TET3: variants seen among roughly 807,000 people sequenced by gnomAD.
The protein encoded by TET3 is methylcytosine dioxygenase TET3.
In TET3, 19 loss-of-function variants were observed where a neutral mutation model predicts 141.4. The ratio of observed to expected loss-of-function variants is 0.13; its 90% confidence interval spans 0.09 to 0.20. TET3 has a LOEUF of 0.20. Ranked by LOEUF, TET3 falls within the 10% of genes least tolerant of loss-of-function variation. TET3 has a pLI of 1.00. For synonymous variants in TET3, 1,043 were observed against 980.9 expected (o/e 1.06, Z -1.18); for missense variants, 1,874 against 2,356.9 (o/e 0.80, Z 4.24).
intron 2 of TET3, among the ~76,000 whole-genome samples, chr2:73,996,769 A>G (rs561665993): frequency 1.3e-5 from 2 of 152,176 alleles, no homozygotes; most frequent in Non-Finnish European, 2.9e-5. Flanking sequence ...TCGGCCTCCC[A>G]AAGTGCTGGG....
rs1691037101 is a variant in TET3, at chr2:74,099,462, C to T, written c.3454C>T (p.Leu1152=). 1 of 1,613,570 alleles carries T rather than the reference C, an allele frequency of 6.2e-7. No homozygotes were observed. Among genetic ancestry groups the T allele is most frequent in the Admixed American group, 1.7e-5 (1 of 59,968 alleles). Residue 1152 remains leucine, a synonymous_variant, in exon 11 of 12, where the codon CTG becomes TTG. Coordinates refer to ENST00000409262, the MANE Select transcript of TET3 (RefSeq NM_001287491.2). ...LTAFPREVRR[L]PEPAKSCRQR... is the part of the protein sequence containing the mutation. ...CGCCTTCCCCCGCGAGGTCCGACGC[C>T]TGCCCGAGCCTGCCAAGTCCTGCCG...
intron 3 of TET3, among the ~76,000 whole-genome samples, chr2:74,037,539 G>A (rs993323064): frequency 6.6e-6 from 1 of 152,220 alleles, no homozygotes; most frequent in African/African-American, 2.4e-5. Flanking sequence ...GCTTAGCAGG[G>A]TGGGGTGTTG....
intron 11 of TET3, 23 bp downstream of exon 11, chr2:74,099,635 C>T: frequency 6.6e-7 from 1 of 1,524,520 alleles, no homozygotes; most frequent in Non-Finnish European, 8.8e-7. Context: ...AGGGTGCCCG[C>T]TTGGAGTCAC....
chr2:74,087,107 A>G lies in TET3; in HGVS notation c.2680-723A>G, dbSNP rs989845953. Among the ~76,000 whole-genome samples the G allele has an allele frequency of 1.3e-5, 2 of 152,064 alleles. No individual in the cohort carries two copies. The highest frequency in any genetic ancestry group is 2.4e-5 in the African/African-American group (1 of 41,402). ...TTGTGTCTGGCTTATTTCACATAGC[A>G]TGTTTTTGGGGTTCATCCATGTTGT... On this transcript the variant is annotated intron_variant, in intron 6 of 11. Coordinates refer to ENST00000409262, the MANE Select transcript of TET3 (RefSeq NM_001287491.2). The surrounding 1 kb of genome is among the most constrained non-coding windows in gnomAD (Gnocchi z 4.3).
chr2:74,079,610 T>C (rs1041828062), intron 5 of TET3, among the ~76,000 whole-genome samples: 6 of 152,218 alleles, frequency 3.9e-5, no homozygotes, highest in Non-Finnish European at 7.3e-5. Flanking sequence ...CTGTGGACTA[T>C]TGTTTGATCT....
rs1029430759 is a variant in TET3 at position 74,102,375 on chromosome 2, C to G, written c.*199C>G. The G allele has an allele frequency of 1.3e-6, 1 of 770,492 alleles. No homozygotes were observed. The highest frequency in any genetic ancestry group is 6.8e-5 in the South Asian group (1 of 14,638). The allele number at this position is 770,492 out of a possible 1,614,324, so 47.7% of individuals were successfully genotyped here. A position where few individuals can be genotyped will look rare whatever the true frequency, so the allele number is the denominator to read the frequency against. On this transcript the variant is annotated 3_prime_UTR_variant, in exon 12 of 12. Coordinates refer to ENST00000409262, the MANE Select transcript of TET3 (RefSeq NM_001287491.2). Reference sequence around the variant, plus strand: ...CCGCCCCTCCCTTACCCCCACTTCCCCAGCACTTTGAAGAAGAAACTACGG... The same window carrying G: ...CCGCCCCTCCCTTACCCCCACTTCCGCAGCACTTTGAAGAAGAAACTACGG...
chr2:74,101,554 G>A lies in TET3; in HGVS notation c.4766G>A (p.Ser1589Asn). The change falls in exon 12 of 12, where the codon AGC becomes AAC. Residue 1589 changes from serine to asparagine, a missense_variant. Ser to Asn is a conservative substitution (Grantham distance 46). Transcript: ENST00000409262. The surrounding 1 kb of genome is among the most constrained non-coding windows in gnomAD (Gnocchi z 8.5). ...WQSFGLPLGSSEKLFGALKSE... is the reference protein window; with the variant it reads ...WQSFGLPLGSNEKLFGALKSE... ...TCCTTTGGTCTGCCCCTGGGATCCA[G>A]CGAGAAGCTGTTTGGGGCTCTGAAG... 1 of 1,609,306 alleles carries A rather than the reference G, an allele frequency of 6.2e-7. No individual in the cohort carries two copies.
intron 3 of TET3, among the ~76,000 whole-genome samples, chr2:74,016,203 A>G (rs892990692): frequency 8.6e-5 from 13 of 152,032 alleles, no homozygotes; most frequent in African/African-American, 3.1e-4. Context: ...CCCCATCTGT[A>G]CAAAAAATGA....
chr2:74,129,198 C>A, the TET3 span, among the ~76,000 whole-genome samples: 2,133 of 150,794 alleles, frequency 0.014, 60 homozygotes, highest in African/African-American at 0.049. Context: ...TACCTGTAAT[C>A]CCAGCTACTC....
rs764662691 is a variant in TET3, at chr2:74,046,973, C to G, written c.1056C>G (p.Ile352Met). 2 of 1,613,992 alleles carry G rather than the reference C, an allele frequency of 1.2e-6. No individual in the cohort carries two copies. The highest frequency in any genetic ancestry group is 2.2e-5 in the East Asian group (1 of 44,870). ...TGAGCATTGCCAAGGAAAAAAACAT[C>G]AGCTTGCAGACCGCCATTGCCATTG... ...SALSIAKEKN[I>M]SLQTAIAIEA... The change falls in exon 4 of 12, where the codon ATC (isoleucine) becomes ATG (methionine). Residue 352 changes from isoleucine to methionine, a missense_variant. This residue lies in a region of TET3 where 366 missense variants were observed against 487.0 expected (regional missense o/e 0.75). Coordinates refer to ENST00000409262, the MANE Select transcript of TET3 (RefSeq NM_001287491.2). The surrounding 1 kb of genome is among the most constrained non-coding windows in gnomAD (Gnocchi z 4.3).
At chr2:74,061,472 C>A (rs1380772692) in intron 4 of TET3, among the ~76,000 whole-genome samples, 1 of 138,068 alleles carries the variant, frequency 7.2e-6, no homozygotes, top group Admixed American at 6.9e-5. Flanking sequence ...GGGGGACTGA[C>A]CCCCCCACCT....
chr2:74,065,555 G>GTTTTTTTTTTTTT (rs67114907), intron 4 of TET3, among the ~76,000 whole-genome samples: 1 of 125,654 alleles, frequency 8.0e-6, no homozygotes, highest in African/African-American at 2.9e-5. Flanking sequence ...TCTTTTTTTT[G>GTTTTTTTTTTTTT]TTTTTTTTTT....
At position 74,107,077 on chromosome 2, in the gene TET3, CCAACTT is replaced by C. The variant is rs974262387; in HGVS notation, c.*4906_*4911del. The C allele has an allele frequency of 4.6e-5, 7 of 152,238 alleles. No homozygotes were observed. Among genetic ancestry groups the C allele is most frequent in the African/African-American group, 1.7e-4 (7 of 41,452 alleles). 9.4% of individuals were successfully genotyped at this position (152,238 alleles called of 1,614,324 possible). A position where few individuals can be genotyped will look rare whatever the true frequency, so the allele number is the denominator to read the frequency against. ...CAGCTGCCTCTGCTGTAGTACATGG[CCAACTT>C]CAACATACCCTGGACCAAAACATTT... On this transcript the variant is annotated 3_prime_UTR_variant, in exon 12 of 12. Transcript: ENST00000409262.
rs538205312 is a variant in TET3, at chr2:74,032,667, G to A, written c.361-13611G>A. ...TCCTCCCGGCTGGCCTCTGTCCACCGGCTGCTTGAGGCAGGGGCTTCCGTC... is the reference window on the plus strand; with the variant it reads ...TCCTCCCGGCTGGCCTCTGTCCACCAGCTGCTTGAGGCAGGGGCTTCCGTC... On this transcript the variant is annotated intron_variant, in intron 3 of 11. Transcript: ENST00000409262. 5.3e-5 allele frequency among the ~76,000 whole-genome samples: 8 copies of A among 152,178 alleles called. No individual in the cohort carries two copies. The South Asian group carries it at 8.3e-4, about 16-fold the overall frequency.
At chr2:74,040,792 C>T (rs1687297230) in intron 3 of TET3, among the ~76,000 whole-genome samples, 1 of 152,048 alleles carries the variant, frequency 6.6e-6, no homozygotes, top group Non-Finnish European at 1.5e-5. Flanking sequence ...ACCTGTGGTC[C>T]CAGCTACTTG....
intron 3 of TET3, among the ~76,000 whole-genome samples, chr2:74,009,021 C>T (rs894154725): frequency 2.0e-5 from 3 of 152,232 alleles, no homozygotes; most frequent in Non-Finnish European, 2.9e-5. Context: ...ACACTGAGCT[C>T]CTGAGCTGTG....
intron 3 of TET3, among the ~76,000 whole-genome samples, chr2:74,016,611 A>G (rs189465651): frequency 2.0e-5 from 3 of 152,098 alleles, no homozygotes; most frequent in African/African-American, 7.2e-5. Flanking sequence ...AGTTCCAGCT[A>G]TTTGGGAGGC....
chr2:74,083,437 T>TG (rs1434395762), intron 6 of TET3, among the ~76,000 whole-genome samples: 1 of 151,964 alleles, frequency 6.6e-6, no homozygotes, highest in African/African-American at 2.4e-5. Flanking sequence ...CCAAGTACCG[T>TG]GGTGGGAGCT....
Position 74,100,939 on chromosome 2 carries a change from C to A in TET3, c.4151C>A (p.Pro1384His), listed in dbSNP as rs755492924. Residue 1384 changes from proline (P) to histidine (H), a missense_variant, in exon 12 of 12, where the codon CCC (proline) becomes CAC (histidine). Pro to His is a moderately conservative substitution (Grantham distance 77). Transcript: ENST00000409262. Reference sequence around the variant, plus strand: ...CACTCAGTGTCCAGGGACCCCTCCCCCTTTGCCCAGAGCTCCAACTGCTAC... The same window carrying A: ...CACTCAGTGTCCAGGGACCCCTCCCACTTTGCCCAGAGCTCCAACTGCTAC... The part of the protein sequence containing the change: ...LLHSVSRDPS[P>H]FAQSSNCYNR... 3 of 1,610,978 alleles carry A rather than the reference C, an allele frequency of 1.9e-6. No homozygotes were observed. The highest frequency in any genetic ancestry group is 1.1e-5 in the South Asian group (1 of 90,356).
Sources: gnomAD v4.1 joint callset for allele counts (sites outside exome capture counted in the v4.1 genomes callset) on GRCh38, gnomAD v4.1.1 for gene constraint, gnomAD v4.1.1 regional missense constraint, Gnocchi (gnomAD v3.1) non-coding constraint, MANE v1.5 for transcripts, NCBI Gene and HGNC (gene_info 2026-07-23, HGNC 2026-07-21) for gene names.